Variants in DCDC1 observed in about 807,000 individuals in gnomAD.
DCDC1 encodes the protein doublecortin domain containing 1, also known as doublecortin domain-containing protein 1.
DCDC1 carries 200 observed loss-of-function variants against 178.3 expected under a neutral mutation model. That is an observed-to-expected ratio of 1.12 (90% CI 1.00 to 1.26). The LOEUF is 1.26. Among genes scored for constraint, DCDC1 ranks in the 50% most tolerant of loss-of-function variants. DCDC1 has a pLI of 0.00. For synonymous variants in DCDC1, 690 were observed against 604.8 expected (o/e 1.14, Z -2.07); for missense variants, 1,983 against 1,749.2 (o/e 1.13, Z -2.38).
chr11:31,051,080 A>C (rs991169317), intron 20 of DCDC1, among the ~76,000 whole-genome samples: 3 of 152,228 alleles, frequency 2.0e-5, no homozygotes, highest in African/African-American at 7.2e-5. Flanking sequence ...AAATCCAAAA[A>C]ATGATACACG....
intron 20 of DCDC1, among the ~76,000 whole-genome samples, chr11:31,011,071 A>G (rs1337484241): frequency 6.6e-6 from 1 of 152,184 alleles, no homozygotes; most frequent in Non-Finnish European, 1.5e-5. Flanking sequence ...TTAGTGAGGT[A>G]ATAATGGACT....
chr11:30,925,741 G>C (rs961467488), intron 22 of DCDC1, among the ~76,000 whole-genome samples: 22 of 152,134 alleles, frequency 1.4e-4, no homozygotes, highest in Admixed American at 3.3e-4. Context: ...TTGACTTTTA[G>C]TTCCTTGGTA....
chr11:31,236,012 A>T (rs931044818), intron 9 of DCDC1, among the ~76,000 whole-genome samples: 3 of 152,082 alleles, frequency 2.0e-5, no homozygotes, highest in Admixed American at 2.0e-4. Flanking sequence ...TGAGCTAGAG[A>T]TACATATTTG....
intron 9 of DCDC1, among the ~76,000 whole-genome samples, chr11:31,199,135 A>G (rs1971015602): frequency 6.6e-6 from 1 of 152,036 alleles, no homozygotes; most frequent in Non-Finnish European, 1.5e-5. Context: ...TTACTTAATC[A>G]ATGATTCACA....
At chr11:31,039,277 T>C (rs1305078490) in intron 20 of DCDC1, among the ~76,000 whole-genome samples, 1 of 152,028 alleles carries the variant, frequency 6.6e-6, no homozygotes, top group Non-Finnish European at 1.5e-5. Context: ...CAAAGGAAAA[T>C]GCAACAAAAA....
chr11:31,127,915 A>T (rs1189323708), intron 10 of DCDC1, among the ~76,000 whole-genome samples: 2 of 152,172 alleles, frequency 1.3e-5, no homozygotes, highest in Non-Finnish European at 2.9e-5. Flanking sequence ...GAAAAGAAAC[A>T]TATACATTTG....
intron 9 of DCDC1, among the ~76,000 whole-genome samples, chr11:31,231,721 G>T (rs2210144): frequency 0.3 from 45,016 of 152,038 alleles, 8,138 homozygotes; most frequent in East Asian, 0.63. Flanking sequence ...AAAAATGGCA[G>T]AAAGATGAAC....
chr11:31,142,045 A>G (rs549116135), intron 9 of DCDC1, among the ~76,000 whole-genome samples: 2 of 152,182 alleles, frequency 1.3e-5, no homozygotes, highest in Non-Finnish European at 2.9e-5. Flanking sequence ...GTATTCAGGG[A>G]CTGGGAGAGA....
chr11:31,338,045 T>C (rs563898256), intron 1 of DCDC1, among the ~76,000 whole-genome samples: 108 of 152,264 alleles, frequency 7.1e-4, no homozygotes, highest in African/African-American at 2.0e-3. Flanking sequence ...AAATTCTCCA[T>C]TGACCACATC....
chr11:31,201,662 GAAA>G (rs1042408549), intron 9 of DCDC1, among the ~76,000 whole-genome samples: 1 of 109,070 alleles, frequency 9.2e-6, no homozygotes, highest in Non-Finnish European at 2.0e-5. Flanking sequence ...GGGAAGGAAA[GAAA>G]AAAAAAAAAA....
intron 4 of DCDC1, 126 bp from the exon 5 acceptor site, chr11:31,306,514 C>A (rs908717964): frequency 9.7e-6 from 9 of 932,196 alleles, no homozygotes; most frequent in Non-Finnish European, 1.3e-5. Flanking sequence ...TATAAGTATA[C>A]CTAACAAAAC....
chr11:31,099,640 G>A (rs186902536), intron 15 of DCDC1, among the ~76,000 whole-genome samples: 1 of 151,932 alleles, frequency 6.6e-6, no homozygotes, highest in East Asian at 1.9e-4. Flanking sequence ...TGGGGTTGGG[G>A]TACAGAAGGG....
At chr11:31,254,946 C>T (rs938878357) in intron 8 of DCDC1, among the ~76,000 whole-genome samples, 2 of 152,048 alleles carry the variant, frequency 1.3e-5, no homozygotes, top group Non-Finnish European at 2.9e-5. Context: ...TAAGCAGAGT[C>T]TCCTTTTCCC....
chr11:31,091,811 G>A (rs1394607908), intron 16 of DCDC1, among the ~76,000 whole-genome samples: 5 of 152,000 alleles, frequency 3.3e-5, no homozygotes, highest in South Asian at 2.1e-4. Context: ...GGTCCATCAC[G>A]TGTCACTTGC....
chr11:31,071,471 G>A (rs572399038), intron 18 of DCDC1, among the ~76,000 whole-genome samples: 1 of 152,186 alleles, frequency 6.6e-6, no homozygotes, highest in East Asian at 1.9e-4. Flanking sequence ...CTGACCTGCA[G>A]GAATATTGTG....
chr11:31,160,329 T>C (rs907506533), intron 9 of DCDC1, among the ~76,000 whole-genome samples: 10 of 152,210 alleles, frequency 6.6e-5, no homozygotes, highest in Non-Finnish European at 1.2e-4. Flanking sequence ...TAAGTTATGA[T>C]ATTACTTGAT....
Position 30,915,511 on chromosome 11 carries a change from C to T in DCDC1, c.3653G>A (p.Arg1218Lys), listed in dbSNP as rs373048741. 1.8e-5 allele frequency: 29 copies of T among 1,613,734 alleles called. No individual in the cohort carries two copies. In the African/African-American group the frequency reaches 3.7e-4, roughly 21 times the overall value. Residue 1218 changes from arginine to lysine, a missense_variant and splice_region_variant, in exon 27 of 39, where the codon AGG becomes AAG. By Grantham distance (26) the Arg-to-Lys change is conservative. Coordinates refer to ENST00000684477, the MANE Select transcript of DCDC1 (RefSeq NM_001387274.1). ...HQRWIHQEDSRTFHLVSNPDL... is the reference protein window; with the variant it reads ...HQRWIHQEDSKTFHLVSNPDL... ...GTAAACCCAAATATAATGGGATTAC[C>T]TGCTGTCTTCCTGGTGTATCCAGCG...
At chr11:31,086,894 C>A (rs1957513511) in intron 17 of DCDC1, among the ~76,000 whole-genome samples, 1 of 151,880 alleles carries the variant, frequency 6.6e-6, no homozygotes, top group Admixed American at 6.6e-5. Context: ...TAATGCTGAC[C>A]CCCTAGAATC....
chr11:31,023,216 T>C (rs1953003228), intron 20 of DCDC1, among the ~76,000 whole-genome samples: 1 of 152,092 alleles, frequency 6.6e-6, no homozygotes, highest in African/African-American at 2.4e-5. Context: ...ACAAATAAGT[T>C]ATCATTAGAA....
Sources: allele counts gnomAD v4.1 joint callset (sites outside exome capture counted in the v4.1 genomes callset), GRCh38; gene constraint gnomAD v4.1.1; transcripts MANE v1.5; gene names NCBI Gene and HGNC (gene_info 2026-07-23, HGNC 2026-07-21).